The following MAGI1 variants were observed in gnomAD, a reference collection of about 807,000 sequenced individuals.
MAGI1 encodes membrane associated guanylate kinase, WW and PDZ domain containing 1.
In MAGI1, 58 loss-of-function variants were observed where a neutral mutation model predicts 139.9. That is an observed-to-expected ratio of 0.41 (90% CI 0.34 to 0.52). The LOEUF is 0.52. Among genes scored for constraint, MAGI1 ranks in the 20% least tolerant of loss-of-function variants. MAGI1 has a pLI of 0.12. For synonymous variants in MAGI1, 812 were observed against 737.9 expected, an observed-to-expected ratio of 1.10 and a Z score of -1.63; for missense variants, 1,874 against 1,901.6, an observed-to-expected ratio of 0.99 and a Z score of 0.27.
intron 1 of MAGI1, among the ~76,000 whole-genome samples, chr3:66,015,424 G>A (rs2067580804): frequency 6.6e-6 from 1 of 151,656 alleles, no homozygotes; most frequent in Non-Finnish European, 1.5e-5. Flanking sequence ...TAAGAACCTG[G>A]TTTGTTTCCC....
chr3:65,877,459 TC>T (rs2060160329), intron 1 of MAGI1, among the ~76,000 whole-genome samples: 2 of 152,260 alleles, frequency 1.3e-5, no homozygotes, highest in South Asian at 2.1e-4. Context: ...TGTGTTTTTC[TC>T]CACTTGTATC....
chr3:66,013,419 A>AAG (rs2067445421), intron 1 of MAGI1, among the ~76,000 whole-genome samples: 1 of 145,364 alleles, frequency 6.9e-6, no homozygotes, highest in South Asian at 2.2e-4. Flanking sequence ...AAAAAAAAAA[A>AAG]GAAAAAAAAA....
At chr3:65,565,942 T>C (rs1241954148) in intron 2 of MAGI1, among the ~76,000 whole-genome samples, 1 of 149,704 alleles carries the variant, frequency 6.7e-6, no homozygotes, top group African/African-American at 2.5e-5. Context: ...GCAACAGTAA[T>C]ATTTACAGGC....
At chr3:65,951,322 T>C (rs1285673881) in intron 1 of MAGI1, among the ~76,000 whole-genome samples, 7 of 152,232 alleles carry the variant, frequency 4.6e-5, no homozygotes, top group African/African-American at 1.7e-4. Flanking sequence ...TCATCTTCAA[T>C]GATTCAAATT....
intron 1 of MAGI1, among the ~76,000 whole-genome samples, chr3:65,900,014 G>T (rs1020053311): frequency 8.6e-5 from 13 of 151,974 alleles, no homozygotes; most frequent in Non-Finnish European, 1.5e-5. Flanking sequence ...TAGATCAAAG[G>T]GAGTAATCAA....
intron 1 of MAGI1, among the ~76,000 whole-genome samples, chr3:65,825,472 A>G (rs1422163310): frequency 6.6e-6 from 1 of 152,188 alleles, no homozygotes; most frequent in African/African-American, 2.4e-5. Flanking sequence ...CATTGACACC[A>G]TGGAAATCGG....
In MAGI1 at chr3:65,961,305, A is replaced by C. The variant is rs1038411343; in HGVS notation, c.313+76691T>G. Among the ~76,000 whole-genome samples, 5 of 152,334 alleles carry C rather than the reference A, an allele frequency of 3.3e-5. No individual in the cohort carries two copies. In the East Asian group the frequency reaches 5.8e-4, roughly 18 times the overall value. On this transcript the variant is annotated intron_variant, in intron 1 of 22. Coordinates refer to ENST00000402939, the MANE Select transcript of MAGI1 (RefSeq NM_001033057.2). ...ACCTTGAGCTTGGTACTATCTACCC[A>C]TAATGCATTTCCCCTCACCTCTTTA...
intron 2 of MAGI1, among the ~76,000 whole-genome samples, chr3:65,545,030 G>A (rs923158359): frequency 1.3e-5 from 2 of 152,148 alleles, no homozygotes; most frequent in African/African-American, 4.8e-5. Context: ...GGCTGCAACG[G>A]AAACTTGTAC....
chr3:65,973,570 C>T (rs1242102528), intron 1 of MAGI1, among the ~76,000 whole-genome samples: 2 of 152,188 alleles, frequency 1.3e-5, no homozygotes, highest in African/African-American at 2.4e-5. Flanking sequence ...ACTACACAGC[C>T]ATATAAACAT....
chr3:65,611,717 G>A (rs1162804493), intron 2 of MAGI1, among the ~76,000 whole-genome samples: 1 of 144,098 alleles, frequency 6.9e-6, no homozygotes, highest in Non-Finnish European at 1.5e-5. Flanking sequence ...TATAGTATAT[G>A]TTTATATACT....
At chr3:65,626,107 A>G (rs1224305360) in intron 1 of MAGI1, among the ~76,000 whole-genome samples, 1 of 152,222 alleles carries the variant, frequency 6.6e-6, no homozygotes, top group African/African-American at 2.4e-5. Context: ...TTAGGTGACA[A>G]GAGTTCTTGA....
At chr3:65,360,158 A>G (rs1251091395) in intron 22 of MAGI1, 2 of 985,204 alleles carry the variant, frequency 2.0e-6, no homozygotes, top group East Asian at 2.3e-4. Flanking sequence ...CTGCATCTGA[A>G]TTAAACATCT....
intron 1 of MAGI1, among the ~76,000 whole-genome samples, chr3:65,948,791 C>CT (rs1385182144): frequency 6.6e-6 from 1 of 152,154 alleles, no homozygotes; most frequent in African/African-American, 2.4e-5. Context: ...CTGTTAAAAT[C>CT]TGTTAGGATT....
At chr3:66,010,265 G>A (rs538171371) in intron 1 of MAGI1, among the ~76,000 whole-genome samples, 1 of 152,162 alleles carries the variant, frequency 6.6e-6, no homozygotes, top group Non-Finnish European at 1.5e-5. Flanking sequence ...AAAGTATACA[G>A]AAAGTAAGGA....
chr3:65,430,692 A>T lies in MAGI1; in HGVS notation c.1546+7T>A, dbSNP rs1947393128. On this transcript the variant is annotated splice_region_variant and intron_variant, in intron 11 of 22. Coordinates refer to ENST00000402939, the MANE Select transcript of MAGI1 (RefSeq NM_001033057.2). ...CACAGAACACACTAAGGCCATGTTG[A>T]CGCTACCTGTTTCCATCTTGCCATC... 6.2e-7 allele frequency: 1 copy of T among 1,612,580 alleles called. No homozygotes were observed. The highest frequency in any genetic ancestry group is 8.5e-7 in the Non-Finnish European group (1 of 1,179,440).
intron 1 of MAGI1, among the ~76,000 whole-genome samples, chr3:65,722,552 G>C (rs989315182): frequency 6.6e-6 from 1 of 152,134 alleles, no homozygotes; most frequent in African/African-American, 2.4e-5. Context: ...AGGATTGCTT[G>C]AGCCCAAGAG....
At chr3:65,649,986 C>T (rs983464270) in intron 1 of MAGI1, among the ~76,000 whole-genome samples, 1 of 152,188 alleles carries the variant, frequency 6.6e-6, no homozygotes, top group Non-Finnish European at 1.5e-5. Flanking sequence ...TGACCCAGTG[C>T]TATAGTTTAA....
In MAGI1 at chr3:65,434,783, A is replaced by G. The variant is rs142371557; in HGVS notation, c.1363+2372T>C. ...GTATCAGTTATATTCCAAAGATTAT[A>G]AAAGTGCTTGAAACGTGTGGATCAA... is the stretch of plus-strand genomic sequence containing the variant. On this transcript the variant is annotated intron_variant, in intron 10 of 22. Coordinates refer to ENST00000402939, the MANE Select transcript of MAGI1 (RefSeq NM_001033057.2). 7.9e-5 allele frequency among the ~76,000 whole-genome samples: 12 copies of G among 152,288 alleles called. 1 individual carries two copies. The East Asian group carries it at 2.3e-3, about 29-fold the overall frequency.
chr3:65,642,791 A>G (rs977003546), intron 1 of MAGI1, among the ~76,000 whole-genome samples: 4 of 152,210 alleles, frequency 2.6e-5, no homozygotes, highest in Non-Finnish European at 2.9e-5. Flanking sequence ...ATATAAAAGA[A>G]TAACAATTAA....
Sources: allele counts gnomAD v4.1 joint callset (sites outside exome capture counted in the v4.1 genomes callset), GRCh38; gene constraint gnomAD v4.1.1; transcripts MANE v1.5; gene names NCBI Gene and HGNC (gene_info 2026-07-23, HGNC 2026-07-21).